The following STPG2 variants were observed in gnomAD, a reference collection of about 807,000 sequenced individuals.
STPG2 encodes the protein sperm tail PG-rich repeat containing 2, also known as sperm-tail PG-rich repeat-containing protein 2.
In STPG2, 56 loss-of-function variants were observed where a neutral mutation model predicts 54.2. The observed-to-expected ratio is 1.03, with a 90% CI of 0.83 to 1.29. The LOEUF is 1.29. STPG2 is among the 50% of genes most tolerant of loss of function. The probability of loss-of-function intolerance (pLI) is 0.00; values close to 1 mark genes in which losing one functional copy is unlikely to be tolerated. For missense variants in STPG2, 596 were observed against 544.9 expected (o/e 1.09, Z -0.93); for synonymous variants, 200 against 181.8 (o/e 1.10, Z -0.81).
intron 4 of STPG2, among the ~76,000 whole-genome samples, chr4:97,475,045 T>C (rs1730036996): frequency 6.6e-6 from 1 of 152,130 alleles, no homozygotes; most frequent in Non-Finnish European, 1.5e-5. Flanking sequence ...AATATACTAC[T>C]GTAATTTATT....
intron 5 of STPG2, among the ~76,000 whole-genome samples, chr4:98,010,916 T>A (rs1435237577): frequency 6.6e-6 from 1 of 152,162 alleles, no homozygotes; most frequent in Non-Finnish European, 1.5e-5. Flanking sequence ...TTTTAAGTTA[T>A]CCTACCCCCA....
chr4:97,992,720 C>T (rs1256914934), intron 5 of STPG2, among the ~76,000 whole-genome samples: 4 of 152,074 alleles, frequency 2.6e-5, no homozygotes, highest in African/African-American at 9.7e-5. Context: ...TGATTCTACC[C>T]ATCCAAGAGC....
At chr4:97,921,175 G>A (rs1427748256) in intron 8 of STPG2, among the ~76,000 whole-genome samples, 1 of 152,142 alleles carries the variant, frequency 6.6e-6, no homozygotes, top group Non-Finnish European at 1.5e-5. Context: ...GGGGGAAGGA[G>A]AGTGAAGTGA....
rs1344428497 is a variant in STPG2 at position 97,815,849 on chromosome 4, C to T, written c.1204+24924G>A. Among the ~76,000 whole-genome samples the T allele has an allele frequency of 2.6e-5, 4 of 152,236 alleles. No homozygotes were observed. In the East Asian group the frequency reaches 7.7e-4, roughly 29 times the overall value. Reference sequence around the variant, plus strand: ...TGTGATAGCTAATTTCATGTGTCAACTTGACTGGTTCACAGGATTCCCAAA... The same window carrying T: ...TGTGATAGCTAATTTCATGTGTCAATTTGACTGGTTCACAGGATTCCCAAA... On this transcript the variant is annotated intron_variant, in intron 9 of 10. Transcript: ENST00000295268.
At chr4:97,448,011 C>G (rs1260248968) in intron 4 of STPG2, among the ~76,000 whole-genome samples, 3 of 152,166 alleles carry the variant, frequency 2.0e-5, no homozygotes, top group Non-Finnish European at 2.9e-5. Context: ...CATCAGCATG[C>G]CCTGGATGTG....
chr4:97,935,374 A>G (rs1049436704), intron 8 of STPG2, among the ~76,000 whole-genome samples: 2 of 151,852 alleles, frequency 1.3e-5, no homozygotes, highest in Non-Finnish European at 2.9e-5. Context: ...TCGCATCTCC[A>G]TCTCCTTCAG....
intron 10 of STPG2, among the ~76,000 whole-genome samples, chr4:97,608,233 T>C (rs554442644): frequency 1.3e-5 from 2 of 151,994 alleles, no homozygotes; most frequent in Admixed American, 6.6e-5. Flanking sequence ...ACTGACTACA[T>C]TGTAACATGG....
At chr4:97,517,531 G>A (rs369993349) in intron 4 of STPG2, among the ~76,000 whole-genome samples, 1 of 152,038 alleles carries the variant, frequency 6.6e-6, no homozygotes, top group Non-Finnish European at 1.5e-5. Flanking sequence ...ATACCAGTAC[G>A]TTTTTATCTA....
Position 97,442,675 on chromosome 4 carries a change from G to A in STPG2, c.463-254842C>T, listed in dbSNP as rs112375225. The stretch of plus-strand genomic sequence containing the variant: ...TTAACAGAGGGCTTCGAATGGAAGT[G>A]AGCATGCCTGGAATACTAAAGCATT... On this transcript the variant is annotated intron_variant, in intron 4 of 4. Coordinates refer to the STPG2 transcript ENST00000522676. Among the ~76,000 whole-genome samples the A allele has an allele frequency of 4.9e-3, 752 of 152,178 alleles. 4 individuals carry two copies. The highest frequency in any genetic ancestry group is 0.02 in the Middle Eastern group (6 of 294).
chr4:97,461,115 T>C (rs1310746896), intron 4 of STPG2, among the ~76,000 whole-genome samples: 1 of 152,192 alleles, frequency 6.6e-6, no homozygotes, highest in African/African-American at 2.4e-5. Context: ...ACACATTCCA[T>C]TTCATTATAT....
chr4:97,587,726 C>T (rs777810095), intron 10 of STPG2, among the ~76,000 whole-genome samples: 2 of 151,894 alleles, frequency 1.3e-5, no homozygotes, highest in Non-Finnish European at 2.9e-5. Context: ...CAGTTCAAGG[C>T]CCCACCCCTA....
chr4:97,566,406 C>T (rs375750875), intron 10 of STPG2, among the ~76,000 whole-genome samples: 1 of 152,170 alleles, frequency 6.6e-6, no homozygotes, highest in Non-Finnish European at 1.5e-5. Flanking sequence ...GGCAATGCCT[C>T]GCCCTGCTTC....
intron 10 of STPG2, among the ~76,000 whole-genome samples, chr4:97,678,049 G>A (rs1441928773): frequency 6.6e-6 from 1 of 151,710 alleles, no homozygotes; most frequent in African/African-American, 2.4e-5. Flanking sequence ...TTCTTTAAAT[G>A]TTTTGTAGAT....
intron 4 of STPG2, among the ~76,000 whole-genome samples, chr4:97,517,322 C>A (rs1458247636): frequency 6.6e-6 from 1 of 152,030 alleles, no homozygotes; most frequent in Non-Finnish European, 1.5e-5. Context: ...CCAGCCTGGG[C>A]AACAAAGCAA....
chr4:97,649,655 ACT>A (rs1722009676), intron 10 of STPG2, among the ~76,000 whole-genome samples: 1 of 152,126 alleles, frequency 6.6e-6, no homozygotes, highest in South Asian at 2.1e-4. Context: ...CATTCAGATC[ACT>A]GTCTTGAGAT....
At chr4:97,714,877 C>T (rs1724241897) in intron 9 of STPG2, among the ~76,000 whole-genome samples, 2 of 152,220 alleles carry the variant, frequency 1.3e-5, no homozygotes, top group South Asian at 4.1e-4. Flanking sequence ...ACTATTGTAA[C>T]TGTAATTTTC....
intron 10 of STPG2, among the ~76,000 whole-genome samples, chr4:97,699,428 T>G (rs1288313497): frequency 1.3e-5 from 2 of 152,244 alleles, no homozygotes. Flanking sequence ...TCACAATTTT[T>G]GACCACTCAG....
chr4:97,470,692 C>A (rs1729902892), intron 4 of STPG2, among the ~76,000 whole-genome samples: 1 of 151,872 alleles, frequency 6.6e-6, no homozygotes. Context: ...TGAATGTGGT[C>A]TTTCTCTTTC....
At chr4:97,813,384 C>G (rs1157193660) in intron 9 of STPG2, among the ~76,000 whole-genome samples, 8 of 151,902 alleles carry the variant, frequency 5.3e-5, no homozygotes, top group Non-Finnish European at 1.2e-4. Flanking sequence ...AAATCTGATA[C>G]TTTTTTAAAA....
Sources: allele counts gnomAD v4.1 joint callset (sites outside exome capture counted in the v4.1 genomes callset), GRCh38; gene constraint gnomAD v4.1.1; transcripts MANE v1.5; gene names NCBI Gene and HGNC (gene_info 2026-07-23, HGNC 2026-07-21).